The following GALNT14 variants were observed in gnomAD, a reference collection of about 807,000 sequenced individuals.
GALNT14 encodes polypeptide N-acetylgalactosaminyltransferase 14, also known as UDP-GalNAc:polypeptide N-acetylgalactosaminyltransferase 14.
In GALNT14, 60 loss-of-function variants were observed where a neutral mutation model predicts 77.5. The observed-to-expected ratio is 0.77, with a 90% CI of 0.63 to 0.96. The LOEUF is 0.96. GALNT14 is among the 40% of genes least tolerant of loss of function. The probability of loss-of-function intolerance (pLI) is 0.00; values close to 1 mark genes in which losing one functional copy is unlikely to be tolerated. For missense variants in GALNT14, 710 were observed against 731.0 expected (o/e 0.97, Z 0.33); for synonymous variants, 280 against 281.7 (o/e 0.99, Z 0.06).
rs184166523 is a variant in GALNT14 at position 31,023,044 on chromosome 2, G to A, written c.130-30037C>T. ...AATGCAGCATGGGGTGAGGAAGGGC[G>A]CATTTGAGAGAGGCCTTGAAGAAGG... On this transcript the variant is annotated intron_variant, in intron 1 of 14. Transcript: ENST00000349752. Among the ~76,000 whole-genome samples the A allele has an allele frequency of 5.8e-3, 889 of 152,270 alleles. 6 individuals are homozygous for A. Among genetic ancestry groups the A allele is most frequent in the Non-Finnish European group, 0.011 (733 of 68,024 alleles).
chr2:31,045,099 A>C (rs1673352489), intron 1 of GALNT14, among the ~76,000 whole-genome samples: 2 of 152,172 alleles, frequency 1.3e-5, no homozygotes, highest in African/African-American at 4.8e-5. Flanking sequence ...CAGGCTGCTC[A>C]GGGAGAGGGT....
At chr2:31,000,365 T>C (rs1670288959) in intron 1 of GALNT14, among the ~76,000 whole-genome samples, 1 of 152,142 alleles carries the variant, frequency 6.6e-6, no homozygotes, top group South Asian at 2.1e-4. Flanking sequence ...TATTATTCGT[T>C]TCCCATTTGT....
At chr2:30,915,377 C>T (rs1664615294) in intron 13 of GALNT14, among the ~76,000 whole-genome samples, 1 of 152,154 alleles carries the variant, frequency 6.6e-6, no homozygotes, top group African/African-American at 2.4e-5. Flanking sequence ...TAATGAAGCC[C>T]TCATGCTAAG....
chr2:30,955,857 C>T, intron 5 of GALNT14, 55 bp downstream of exon 5: 2 of 1,611,588 alleles, frequency 1.2e-6, no homozygotes, highest in African/African-American at 1.3e-5. Context: ...CACCATCACA[C>T]CTTCGACCCC....
chr2:30,907,572 C>T (rs1416016070), downstream of GALNT14, among the ~76,000 whole-genome samples: 1 of 152,156 alleles, frequency 6.6e-6, no homozygotes, highest in Non-Finnish European at 1.5e-5. Flanking sequence ...TAATCAATAG[C>T]TTACCAACCA....
At chr2:30,911,296 T>G (rs968442206) in intron 14 of GALNT14, among the ~76,000 whole-genome samples, 1 of 152,000 alleles carries the variant, frequency 6.6e-6, no homozygotes, top group East Asian at 1.9e-4. Flanking sequence ...GGAAAACTCA[T>G]TAGGAGGCAA....
intron 1 of GALNT14, among the ~76,000 whole-genome samples, chr2:31,108,578 T>C (rs1344771732): frequency 6.6e-6 from 1 of 152,208 alleles, no homozygotes; most frequent in Non-Finnish European, 1.5e-5. Flanking sequence ...GCAAGAAAGG[T>C]AACACTGGTT....
chr2:31,030,299 G>A, intron 1 of GALNT14, among the ~76,000 whole-genome samples: 1 of 151,958 alleles, frequency 6.6e-6, no homozygotes, highest in East Asian at 1.9e-4. Flanking sequence ...TCCTCTCGTG[G>A]AAATCACACA....
At chr2:30,901,974 T>A in the GALNT14 span, among the ~76,000 whole-genome samples, 2 of 152,200 alleles carry the variant, frequency 1.3e-5, no homozygotes, top group African/African-American at 4.8e-5. Flanking sequence ...ACTTTCACCT[T>A]CACCCACAGC....
intron 1 of GALNT14, among the ~76,000 whole-genome samples, chr2:31,118,732 A>T (rs941989438): frequency 2.0e-5 from 3 of 152,184 alleles, no homozygotes; most frequent in Non-Finnish European, 4.4e-5. Flanking sequence ...AGTCAAGATA[A>T]ATCTCAAAAA....
chr2:30,945,037 G>A, intron 7 of GALNT14, 95 bp from the exon 8 acceptor site: 6 of 1,086,400 alleles, frequency 5.5e-6, no homozygotes, highest in Non-Finnish European at 3.9e-6. Context: ...CCCAGGTCCT[G>A]GAGAGGTAGG....
intron 1 of GALNT14, among the ~76,000 whole-genome samples, chr2:31,030,304 C>G (rs1444014943): frequency 6.6e-6 from 1 of 152,016 alleles, no homozygotes; most frequent in Non-Finnish European, 1.5e-5. Flanking sequence ...TCGTGGAAAT[C>G]ACACAAGTCC....
chr2:31,036,205 C>T (rs565867910), intron 1 of GALNT14, among the ~76,000 whole-genome samples: 1 of 151,952 alleles, frequency 6.6e-6, no homozygotes, highest in East Asian at 1.9e-4. Context: ...TGTCTTTGTT[C>T]CTCTATTTCT....
intron 1 of GALNT14, among the ~76,000 whole-genome samples, chr2:31,021,314 A>T (rs1242275800): frequency 6.6e-6 from 1 of 150,622 alleles, no homozygotes; most frequent in African/African-American, 2.4e-5. Flanking sequence ...TTTTATTTTT[A>T]TTTTTTTGCG....
chr2:31,111,995 C>CTTTTTTTTTTTTTTTTTTTTTTTTCTTTT, intron 1 of GALNT14, among the ~76,000 whole-genome samples: 1 of 134,120 alleles, frequency 7.5e-6, no homozygotes, highest in Non-Finnish European at 1.6e-5. Flanking sequence ...TGTGTACTTG[C>CTTTTTTTTTTTTTTTTTTTTTTTTCTTTT]TTTTTTTTTT....
intron 1 of GALNT14, among the ~76,000 whole-genome samples, chr2:31,128,290 A>G (rs895292217): frequency 6.6e-6 from 1 of 152,090 alleles, no homozygotes; most frequent in Non-Finnish European, 1.5e-5. Flanking sequence ...AACCAGCAAG[A>G]CATGGCAGGG....
intron 1 of GALNT14, among the ~76,000 whole-genome samples, chr2:31,015,559 A>C (rs1329412348): frequency 6.6e-6 from 1 of 152,210 alleles, no homozygotes; most frequent in Non-Finnish European, 1.5e-5. Context: ...AAAGGGAAAA[A>C]AAGAGTAATT....
In GALNT14 at chr2:30,992,863, C is replaced by G. The variant is rs1394969326; in HGVS notation, c.274G>C (p.Ala92Pro). 1.2e-6 allele frequency: 2 copies of G among 1,614,042 alleles called. No homozygotes were observed. The highest frequency in any genetic ancestry group is 2.7e-5 in the African/African-American group (2 of 75,038). The change falls in exon 2 of 15, where the codon GCC becomes CCC. Residue 92 changes from alanine to proline, a missense_variant. By Grantham distance (27) the Ala-to-Pro change is conservative. Coordinates refer to ENST00000349752, the MANE Select transcript of GALNT14 (RefSeq NM_024572.4). ...CTCAGATGGCGAGTGTCCGGGATGG[C>G]CCGATTGCTGGAGATCCGCTCACTC... ...RESERISSNR[A>P]IPDTRHLRCT...
intron 1 of GALNT14, among the ~76,000 whole-genome samples, chr2:31,122,564 T>C (rs1284041545): frequency 6.6e-6 from 1 of 152,220 alleles, no homozygotes; most frequent in Non-Finnish European, 1.5e-5. Flanking sequence ...AATGCAGACT[T>C]TGAATCAGTA....
Sources: gnomAD v4.1 joint callset for allele counts (sites outside exome capture counted in the v4.1 genomes callset) on GRCh38, gnomAD v4.1.1 for gene constraint, MANE v1.5 for transcripts, NCBI Gene and HGNC (gene_info 2026-07-23, HGNC 2026-07-21) for gene names.